TIFAB: variants seen among roughly 807,000 people sequenced by gnomAD.
TIFAB encodes TRAF-interacting protein with FHA domain-containing protein B.
For missense variants in TIFAB, 222 were observed against 203.6 expected (o/e 1.09, Z -0.55); for synonymous variants, 116 against 95.2 (o/e 1.22, Z -1.27).
chr5:135,447,048 G>C lies in TIFAB; in HGVS notation c.*2406C>G, dbSNP rs777821975. The C allele has an allele frequency of 6.8e-6, 11 of 1,614,014 alleles. No individual in the cohort carries two copies. Among genetic ancestry groups the C allele is most frequent in the African/African-American group, 1.3e-5 (1 of 75,064 alleles). On this transcript the variant is annotated 3_prime_UTR_variant, in exon 2 of 2. Coordinates refer to ENST00000537858, the MANE Select transcript of TIFAB (RefSeq NM_001099221.2). ...CCTCTCTCCAGTCTTTGGTGTCCAG[G>C]TACAGTCTCCAGGCCGTGGCTTCTC... is the stretch of plus-strand genomic sequence containing the variant.
chr5:135,446,535 T>A lies in TIFAB; in HGVS notation c.*2919A>T, dbSNP rs1185645176. ...AAGCCAGCCTGACGGTTCCAGCTGT[T>A]AGGAGAAAGTGAAGGTGGGTGCCAT... On this transcript the variant is annotated 3_prime_UTR_variant, in exon 2 of 2. Transcript: ENST00000537858. 6.2e-7 allele frequency: 1 copy of A among 1,613,902 alleles called. No individual in the cohort carries two copies. Among genetic ancestry groups the A allele is most frequent in the East Asian group, 2.2e-5 (1 of 44,872 alleles).
chr5:135,449,362 C>T lies in TIFAB; in HGVS notation c.*92G>A. 1 of 1,535,586 alleles carries T rather than the reference C, an allele frequency of 6.5e-7. No individual in the cohort carries two copies. On this transcript the variant is annotated 3_prime_UTR_variant, in exon 2 of 2. Transcript: ENST00000537858. ...CACTGTCTGGGGGTTCCCTCTGGAGCTGTATTTCTGTTCCTCCTCCAGGTC... is the reference window on the plus strand; with the variant it reads ...CACTGTCTGGGGGTTCCCTCTGGAGTTGTATTTCTGTTCCTCCTCCAGGTC...
rs539562933 is a variant in TIFAB, at chr5:135,448,955, C to G, written c.*499G>C. On this transcript the variant is annotated 3_prime_UTR_variant, in exon 2 of 2. Transcript: ENST00000537858. Reference sequence around the variant, plus strand: ...TTTGAAAGCTGAAGGTAACCCCAAGCTACCACAAATGTAATTGTTACATGT... The same window carrying G: ...TTTGAAAGCTGAAGGTAACCCCAAGGTACCACAAATGTAATTGTTACATGT... 6 of 163,308 alleles carry G rather than the reference C, an allele frequency of 3.7e-5. No individual in the cohort carries two copies. The East Asian group carries it at 9.6e-4, about 26-fold the overall frequency. The allele number at this position is 163,308 out of a possible 1,614,324, so 10.1% of individuals were successfully genotyped here.
intron 1 of TIFAB, among the ~76,000 whole-genome samples, chr5:135,450,405 C>A (rs1483876363): frequency 6.6e-6 from 1 of 152,200 alleles, no homozygotes; most frequent in Non-Finnish European, 1.5e-5. Flanking sequence ...TGGGGAGAAG[C>A]AGATTCAACA....
In TIFAB at chr5:135,446,554, G is replaced by A. The variant is rs758409770; in HGVS notation, c.*2900C>T. 2 of 1,613,998 alleles carry A rather than the reference G, an allele frequency of 1.2e-6. No homozygotes were observed. Among genetic ancestry groups the A allele is most frequent in the African/African-American group, 1.3e-5 (1 of 75,038 alleles). Reference sequence around the variant, plus strand: ...AGCTGTTAGGAGAAAGTGAAGGTGGGTGCCATGGATCTGATGATTTCAGTG... The same window carrying A: ...AGCTGTTAGGAGAAAGTGAAGGTGGATGCCATGGATCTGATGATTTCAGTG... On this transcript the variant is annotated 3_prime_UTR_variant, in exon 2 of 2. Transcript: ENST00000537858.
Position 135,449,647 on chromosome 5 carries a change from G to A in TIFAB, c.293C>T (p.Pro98Leu). 1 of 1,614,182 alleles carries A rather than the reference G, an allele frequency of 6.2e-7. No homozygotes were observed. The highest frequency in any genetic ancestry group is 8.5e-7 in the Non-Finnish European group (1 of 1,180,046). The stretch of plus-strand genomic sequence containing the variant: ...GGAGACCCTGTTGACGGTGCTCAGG[G>A]GGACCTGCTCCAGGTACCTCAGCGT... ...GLTLRYLEQV[P>L]LSTVNRVSFS... The change falls in exon 2 of 2, where the codon CCC (proline) becomes CTC (leucine). Residue 98 changes from proline to leucine, a missense_variant. Physicochemically the swap from Pro to Leu is moderately conservative, Grantham distance 98. Coordinates refer to ENST00000537858, the MANE Select transcript of TIFAB (RefSeq NM_001099221.2).
At chr5:135,452,155 C>G (rs1769371751) in intron 1 of TIFAB, 54 bp downstream of exon 1, 1 of 152,240 alleles carries the variant, frequency 6.6e-6, no homozygotes, top group South Asian at 2.1e-4. Flanking sequence ...CCTCCCAGCC[C>G]CACCAGGCCC....
chr5:135,449,940 G>A lies in TIFAB; in HGVS notation c.-1C>T, dbSNP rs1769337876. 6.6e-7 allele frequency: 1 copy of A among 1,517,226 alleles called. No individual in the cohort carries two copies. The highest frequency in any genetic ancestry group is 2.3e-5 in the East Asian group (1 of 43,944). The allele number at this position is 1,517,226 out of a possible 1,614,324, so 94.0% of individuals were successfully genotyped here. On this transcript the variant is annotated 5_prime_UTR_variant, in exon 2 of 2. Transcript: ENST00000537858. The stretch of plus-strand genomic sequence containing the variant: ...GCAGGACGGTGAGGGGCTTCTCCAT[G>A]GAAGAAGTCCTGGGAAGTTGGAACA...
chr5:135,450,919 C>T (rs1406303293), intron 1 of TIFAB, among the ~76,000 whole-genome samples: 1 of 152,244 alleles, frequency 6.6e-6, no homozygotes, highest in Non-Finnish European at 1.5e-5. Flanking sequence ...TGCCTTCTGA[C>T]TCCCACAACA....
In TIFAB at chr5:135,448,871, A is replaced by T. The variant is rs954779145; in HGVS notation, c.*583T>A. 1 of 155,912 alleles carries T rather than the reference A, an allele frequency of 6.4e-6. No individual in the cohort carries two copies. Among genetic ancestry groups the T allele is most frequent in the Non-Finnish European group, 1.4e-5 (1 of 70,168 alleles). The allele number at this position is 155,912 out of a possible 1,614,324, so 9.7% of individuals were successfully genotyped here. On this transcript the variant is annotated 3_prime_UTR_variant, in exon 2 of 2. Transcript: ENST00000537858. ...GAATCCTATTGGGTATGCCAGCTTA[A>T]TGAAATACTTGCAGTTTATTACACT...
Position 135,447,128 on chromosome 5 carries a change from T to C in TIFAB, c.*2326A>G. 1 of 1,613,958 alleles carries C rather than the reference T, an allele frequency of 6.2e-7. No individual in the cohort carries two copies. The highest frequency in any genetic ancestry group is 1.1e-5 in the South Asian group (1 of 91,072). The stretch of plus-strand genomic sequence containing the variant: ...ATGCATAGTTGGGGGACCATTTTGG[T>C]CAGTGACAGATCACTGCTGCTTTTC... On this transcript the variant is annotated 3_prime_UTR_variant, in exon 2 of 2. Transcript: ENST00000537858.
At chr5:135,451,466 G>A (rs1235522067) in intron 1 of TIFAB, among the ~76,000 whole-genome samples, 1 of 151,246 alleles carries the variant, frequency 6.6e-6, no homozygotes, top group African/African-American at 2.4e-5. Context: ...ATAGTCTGCC[G>A]AAAGCCTTTC....
Position 135,447,976 on chromosome 5 carries a change from G to A in TIFAB, c.*1478C>T, listed in dbSNP as rs374635132. The A allele has an allele frequency of 6.6e-6, 1 of 152,190 alleles. No homozygotes were observed. The highest frequency in any genetic ancestry group is 2.1e-4 in the South Asian group (1 of 4,824). 9.4% of individuals were successfully genotyped at this position (152,190 alleles called of 1,614,324 possible). ...AGGAACTGCTTTGGGGGTCCCAAGGGGTCATTCACAGCATCAGAGAGCCCC... is the reference window on the plus strand; with the variant it reads ...AGGAACTGCTTTGGGGGTCCCAAGGAGTCATTCACAGCATCAGAGAGCCCC... On this transcript the variant is annotated 3_prime_UTR_variant, in exon 2 of 2. Transcript: ENST00000537858.
Position 135,449,447 on chromosome 5 carries a change from G to A in TIFAB, c.*7C>T. 2 of 1,611,796 alleles carry A rather than the reference G, an allele frequency of 1.2e-6. No homozygotes were observed. The highest frequency in any genetic ancestry group is 1.7e-6 in the Non-Finnish European group (2 of 1,178,758). Reference sequence around the variant, plus strand: ...GCCGTGGAGAAACCCCAGGCAACCTGGATCTGCTACCCTGAACCAGGGGGA... The same window carrying A: ...GCCGTGGAGAAACCCCAGGCAACCTAGATCTGCTACCCTGAACCAGGGGGA... On this transcript the variant is annotated 3_prime_UTR_variant, in exon 2 of 2. Coordinates refer to ENST00000537858, the MANE Select transcript of TIFAB (RefSeq NM_001099221.2).
Position 135,449,506 on chromosome 5 carries a change from G to A in TIFAB, c.434C>T (p.Thr145Ile). Reference sequence around the variant, plus strand: ...CTGGGAGATGCCTTCCCATTCGTCAGTTTCCTCAGCCTCAGGTCTGTAAAT... The same window carrying A: ...CTGGGAGATGCCTTCCCATTCGTCAATTTCCTCAGCCTCAGGTCTGTAAAT... ...PLIYRPEAEE[T>I]DEWEGISQGQ... Residue 145 changes from threonine (T) to isoleucine (I), a missense_variant, in exon 2 of 2, where the codon ACT (threonine) becomes ATT (isoleucine). Thr to Ile is a moderately conservative substitution (Grantham distance 89). Coordinates refer to ENST00000537858, the MANE Select transcript of TIFAB (RefSeq NM_001099221.2). 1.9e-6 allele frequency: 3 copies of A among 1,614,214 alleles called. No homozygotes were observed. Among genetic ancestry groups the A allele is most frequent in the Non-Finnish European group, 2.5e-6 (3 of 1,180,048 alleles).
At position 135,446,717 on chromosome 5, in the gene TIFAB, T is replaced by G. The variant is rs1159075222; in HGVS notation, c.*2737A>C. On this transcript the variant is annotated 3_prime_UTR_variant, in exon 2 of 2. Coordinates refer to ENST00000537858, the MANE Select transcript of TIFAB (RefSeq NM_001099221.2). ...GTAGAGTCTGAAACTACAAACCAGA[T>G]GTTTCCGGGCTCCCTCCCGCCTGGT... The G allele has an allele frequency of 3.7e-6, 6 of 1,613,762 alleles. No individual in the cohort carries two copies. The highest frequency in any genetic ancestry group is 5.1e-6 in the Non-Finnish European group (6 of 1,179,792).
rs765386353 is a variant in TIFAB at position 135,446,655 on chromosome 5, G to A, written c.*2799C>T. ...TTAAAAACTTGGTACAGGGCAAGGT[G>A]TGAGTTTCCCGGTGAGACTGTGTGA... On this transcript the variant is annotated 3_prime_UTR_variant, in exon 2 of 2. Transcript: ENST00000537858. 1.2e-6 allele frequency: 2 copies of A among 1,614,068 alleles called. No individual in the cohort carries two copies. Among genetic ancestry groups the A allele is most frequent in the South Asian group, 1.1e-5 (1 of 91,080 alleles).
chr5:135,449,348 G>T lies in TIFAB; in HGVS notation c.*106C>A. ...GGGCTAGCAGAGTGCACTGTCTGGG[G>T]GTTCCCTCTGGAGCTGTATTTCTGT... is the stretch of plus-strand genomic sequence containing the variant. On this transcript the variant is annotated 3_prime_UTR_variant, in exon 2 of 2. Coordinates refer to ENST00000537858, the MANE Select transcript of TIFAB (RefSeq NM_001099221.2). The T allele has an allele frequency of 1.3e-6, 2 of 1,485,636 alleles. No homozygotes were observed. Among genetic ancestry groups the T allele is most frequent in the Non-Finnish European group, 1.8e-6 (2 of 1,104,412 alleles). 92.0% of individuals were successfully genotyped at this position (1,485,636 alleles called of 1,614,324 possible). A position where few individuals can be genotyped will look rare whatever the true frequency, so the allele number is the denominator to read the frequency against.
rs754632549 is a variant in TIFAB at position 135,446,862 on chromosome 5, C to T, written c.*2592G>A. On this transcript the variant is annotated 3_prime_UTR_variant, in exon 2 of 2. Transcript: ENST00000537858. ...CTGTGGAGGAATTGAACTGCCCCCT[C>T]TCGCAGGACCCCAGCTGGCAAGGTT... 1.9e-6 allele frequency: 3 copies of T among 1,613,808 alleles called. No homozygotes were observed. The African/African-American group carries it at 4.0e-5, about 22-fold the overall frequency.
Sources: gnomAD v4.1 joint callset for allele counts (sites outside exome capture counted in the v4.1 genomes callset) on GRCh38, gnomAD v4.1.1 for gene constraint, MANE v1.5 for transcripts, NCBI Gene and HGNC (gene_info 2026-07-23, HGNC 2026-07-21) for gene names.